Variants in HIVEP2 observed in about 807,000 individuals in gnomAD.
HIVEP2 encodes transcription factor HIVEP2.
HIVEP2 carries 14 observed loss-of-function variants against 180.7 expected under a neutral mutation model. That is an observed-to-expected ratio of 0.08 (90% CI 0.05 to 0.12). The LOEUF (loss-of-function observed/expected upper bound fraction) is 0.12. Among genes scored for constraint, HIVEP2 ranks in the 10% least tolerant of loss-of-function variants. HIVEP2 has a pLI of 1.00. For synonymous variants in HIVEP2, 1,184 were observed against 1,136.4 expected, an observed-to-expected ratio of 1.04 and a Z score of -0.84; for missense variants, 2,579 against 3,008.5, an observed-to-expected ratio of 0.86 and a Z score of 3.34.
intron 2 of HIVEP2, among the ~76,000 whole-genome samples, chr6:142,827,529 C>T (rs896802737): frequency 2.0e-5 from 3 of 152,184 alleles, no homozygotes; most frequent in Admixed American, 1.3e-4. Context: ...TGTGCGCGCA[C>T]GCACGTGCAC....
chr6:142,768,346 A>G, intron 6 of HIVEP2, 36 bp downstream of exon 6: 3 of 1,595,340 alleles, frequency 1.9e-6, no homozygotes, highest in Non-Finnish European at 2.6e-6. Context: ...TCTGACCTAT[A>G]ACTGCACATT....
chr6:142,767,295 T>C (rs1022747977), intron 6 of HIVEP2, among the ~76,000 whole-genome samples: 5 of 152,098 alleles, frequency 3.3e-5, no homozygotes, highest in African/African-American at 7.2e-5. Context: ...ATGGGGGATG[T>C]CAAAAAAATA....
intron 1 of HIVEP2, among the ~76,000 whole-genome samples, chr6:142,857,322 T>G (rs750862480): frequency 6.6e-6 from 1 of 152,158 alleles, no homozygotes; most frequent in Non-Finnish European, 1.5e-5. Context: ...AGCTATTGTA[T>G]AGCCCCTAGA....
At position 142,769,540 on chromosome 6, in the gene HIVEP2, A is replaced by C. The variant is rs1562503096; in HGVS notation, c.5187+12T>G. ...CACAATACAAAGTTCTTCCTAAAAC[A>C]GTATTTGTTACCTGAGTAAACTGCT... On this transcript the variant is annotated intron_variant, in intron 5 of 9. Transcript: ENST00000367603. 2 of 1,610,576 alleles carry C rather than the reference A, an allele frequency of 1.2e-6. No individual in the cohort carries two copies. The highest frequency in any genetic ancestry group is 1.7e-6 in the Non-Finnish European group (2 of 1,177,280).
Position 142,759,001 on chromosome 6 carries a change from T to TA in HIVEP2, c.6516+770dup, listed in dbSNP as rs554871957. Among the ~76,000 whole-genome samples, 662 of 152,174 alleles carry TA rather than the reference T, an allele frequency of 4.4e-3. 4 individuals are homozygous for TA. Among genetic ancestry groups the TA allele is most frequent in the African/African-American group, 0.014 (561 of 41,506 alleles). Reference sequence around the variant, plus strand: ...TCATGATGGGCAAGGTAGAGTTTATTAAAAAAAGGAGTTTTTGAGGCCAGG... The same window carrying TA: ...TCATGATGGGCAAGGTAGAGTTTATTAAAAAAAAGGAGTTTTTGAGGCCAGG... On this transcript the variant is annotated intron_variant, in intron 9 of 9. Transcript: ENST00000367603.
chr6:142,894,087 A>G (rs143425204), intron 1 of HIVEP2, among the ~76,000 whole-genome samples: 1 of 152,352 alleles, frequency 6.6e-6, no homozygotes, highest in African/African-American at 2.4e-5. Flanking sequence ...GCACAAGTTA[A>G]GTCTATTGCT....
At chr6:142,917,659 G>C (rs2128432945) in intron 1 of HIVEP2, among the ~76,000 whole-genome samples, 1 of 152,228 alleles carries the variant, frequency 6.6e-6, no homozygotes, top group Middle Eastern at 3.4e-3. Context: ...CCAAAGTAAA[G>C]ACAGCAAAGC....
intron 1 of HIVEP2, among the ~76,000 whole-genome samples, chr6:142,882,836 T>C (rs566271563): frequency 6.6e-6 from 1 of 152,280 alleles, no homozygotes; most frequent in African/African-American, 2.4e-5. Context: ...TGTTTTAGGT[T>C]GGTTTTTGGT....
chr6:142,838,514 G>A (rs552280388), intron 1 of HIVEP2, among the ~76,000 whole-genome samples: 89 of 152,224 alleles, frequency 5.8e-4, no homozygotes, highest in African/African-American at 2.0e-3. Context: ...CTAGAGCGGC[G>A]AAAATATTTC....
At chr6:142,864,691 T>C (rs1054171345) in intron 1 of HIVEP2, among the ~76,000 whole-genome samples, 8 of 152,198 alleles carry the variant, frequency 5.3e-5, no homozygotes, top group African/African-American at 1.9e-4. Context: ...TTTTTAAGGA[T>C]TGCTTCTGAG....
At chr6:142,861,664 C>T (rs1179570956) in intron 1 of HIVEP2, among the ~76,000 whole-genome samples, 2 of 152,172 alleles carry the variant, frequency 1.3e-5, no homozygotes, top group Non-Finnish European at 2.9e-5. Flanking sequence ...TCCAAATCAT[C>T]AAGTAAATGC....
intron 1 of HIVEP2, among the ~76,000 whole-genome samples, chr6:142,942,772 A>G (rs1778211360): frequency 6.6e-6 from 1 of 152,112 alleles, no homozygotes; most frequent in African/African-American, 2.4e-5. Context: ...TCACACATCA[A>G]TTTACTCTTG....
chr6:142,757,219 G>T (rs980850989), intron 9 of HIVEP2, among the ~76,000 whole-genome samples: 4 of 152,094 alleles, frequency 2.6e-5, no homozygotes, highest in Non-Finnish European at 5.9e-5. Flanking sequence ...TGCTTGGGAC[G>T]AACTGTCCCT....
chr6:142,884,068 G>T (rs552959454), intron 1 of HIVEP2, among the ~76,000 whole-genome samples: 2 of 152,192 alleles, frequency 1.3e-5, no homozygotes, highest in African/African-American at 4.8e-5. Context: ...TTGAAATGAG[G>T]CTATAAAAAT....
intron 1 of HIVEP2, among the ~76,000 whole-genome samples, chr6:142,904,440 G>A (rs1777213705): frequency 6.6e-6 from 1 of 152,140 alleles, no homozygotes; most frequent in African/African-American, 2.4e-5. Context: ...TTGAACAACA[G>A]GACCTCAAAC....
At chr6:142,839,187 T>G (rs1000663183) in intron 1 of HIVEP2, among the ~76,000 whole-genome samples, 5 of 152,164 alleles carry the variant, frequency 3.3e-5, no homozygotes, top group African/African-American at 1.2e-4. Context: ...TAATATTTAT[T>G]TAGAAATGTT....
At chr6:142,787,189 G>T (rs1382168124) in intron 2 of HIVEP2, among the ~76,000 whole-genome samples, 1 of 152,036 alleles carries the variant, frequency 6.6e-6, no homozygotes, top group Non-Finnish European at 1.5e-5. Flanking sequence ...CCAGGAGTTT[G>T]GCGCTGCAGT....
At chr6:142,804,651 A>C (rs1776500810) in intron 2 of HIVEP2, among the ~76,000 whole-genome samples, 1 of 152,144 alleles carries the variant, frequency 6.6e-6, no homozygotes, top group Non-Finnish European at 1.5e-5. Context: ...ATAAGGTATT[A>C]AGCAACAGTA....
At chr6:142,866,836 AC>A (rs1444624445) in intron 1 of HIVEP2, among the ~76,000 whole-genome samples, 4 of 152,254 alleles carry the variant, frequency 2.6e-5, no homozygotes, top group Middle Eastern at 3.4e-3. Context: ...GTGGCTACTT[AC>A]CCCTTTCTAA....
Sources: gnomAD v4.1 joint callset for allele counts (sites outside exome capture counted in the v4.1 genomes callset) on GRCh38, gnomAD v4.1.1 for gene constraint, MANE v1.5 for transcripts, NCBI Gene and HGNC (gene_info 2026-07-23, HGNC 2026-07-21) for gene names.